Variants in CAP2 observed in about 807,000 individuals in gnomAD.
CAP2 encodes the protein adenylyl cyclase-associated protein 2.
Under a neutral mutation model 57.7 loss-of-function variants are expected in CAP2, and 24 were observed. That is an observed-to-expected ratio of 0.42 (90% CI 0.30 to 0.58). CAP2 has a LOEUF of 0.58. Among genes scored for constraint, CAP2 ranks in the 20% least tolerant of loss-of-function variants. The probability of loss-of-function intolerance (pLI) is 0.22; values close to 1 mark genes in which losing one functional copy is unlikely to be tolerated. For missense variants in CAP2, 501 were observed against 590.3 expected, an observed-to-expected ratio of 0.85 and a Z score of 1.57; for synonymous variants, 194 against 207.2, an observed-to-expected ratio of 0.94 and a Z score of 0.55.
chr6:17,431,696 T>C (rs1759741880), intron 3 of CAP2, among the ~76,000 whole-genome samples: 1 of 152,148 alleles, frequency 6.6e-6, no homozygotes, highest in Non-Finnish European at 1.5e-5. Context: ...AATATTTGGA[T>C]TTAGAGTGGC....
rs75639587 is a variant in CAP2 at position 17,484,324 on chromosome 6, C to A, written c.300+21251C>A. Among the ~76,000 whole-genome samples the A allele has an allele frequency of 2.8e-3, 431 of 152,250 alleles. 2 individuals are homozygous for A. The highest frequency in any genetic ancestry group is 9.9e-3 in the African/African-American group (413 of 41,548). On this transcript the variant is annotated intron_variant, in intron 4 of 12. Coordinates refer to ENST00000229922, the MANE Select transcript of CAP2 (RefSeq NM_006366.3). ...CAGTGCTTGGGTGGCTCCCCCTTCT[C>A]ACGCAAGGCCTTGTCACAAGCTCCT...
rs796872952 is a variant in CAP2, at chr6:17,463,152, T to C, written c.300+79T>C. ...GGAAAACAAGGAGGCAACAGAAGCA[T>C]TTATTATAGTCGACCTCCTAAAAAT... On this transcript the variant is annotated intron_variant, in intron 4 of 12. Transcript: ENST00000229922. The C allele has an allele frequency of 1.2e-5, 12 of 981,434 alleles. No individual in the cohort carries two copies. In the African/African-American group the frequency reaches 1.9e-4, roughly 16 times the overall value. 60.8% of individuals were successfully genotyped at this position (981,434 alleles called of 1,614,324 possible). A position where few individuals can be genotyped will look rare whatever the true frequency, so the allele number is the denominator to read the frequency against.
intron 3 of CAP2, among the ~76,000 whole-genome samples, chr6:17,436,698 G>A (rs1355334949): frequency 6.6e-6 from 1 of 152,022 alleles, no homozygotes; most frequent in East Asian, 1.9e-4. Flanking sequence ...CTCCTCTCAA[G>A]CCTTCCACTG....
intron 4 of CAP2, among the ~76,000 whole-genome samples, chr6:17,497,660 C>T (rs1325108484): frequency 6.6e-6 from 1 of 152,192 alleles, no homozygotes; most frequent in African/African-American, 2.4e-5. Flanking sequence ...TTTTCTGGAA[C>T]TCATGTTGTC....
At position 17,556,983 on chromosome 6, in the gene CAP2, CATAAGAGTTT is replaced by C. The variant is rs1387652208; in HGVS notation, c.*546_*555del. ...TATTTCAACCCACGCTTGTAAAAGACATAAGAGTTTATAAAGGACCAAATTCAGTTCCTTG... is the reference window on the plus strand; with the variant it reads ...TATTTCAACCCACGCTTGTAAAAGACATAAAGGACCAAATTCAGTTCCTTG... On this transcript the variant is annotated 3_prime_UTR_variant, in exon 13 of 13. Transcript: ENST00000229922. The C allele has an allele frequency of 1.0e-5, 1 of 98,274 alleles. No individual in the cohort carries two copies. The highest frequency in any genetic ancestry group is 3.2e-4 in the East Asian group (1 of 3,146). 6.1% of individuals were successfully genotyped at this position (98,274 alleles called of 1,614,324 possible).
Position 17,540,836 on chromosome 6 carries a change from G to A in CAP2, c.827-137G>A. 5.5e-6 allele frequency: 4 copies of A among 733,374 alleles called. No individual in the cohort carries two copies. The Admixed American group carries it at 9.4e-5, about 17-fold the overall frequency. 45.4% of individuals were successfully genotyped at this position (733,374 alleles called of 1,614,324 possible). ...GGACTCAGCTCCTGCATCCTGACTTGGAGAAAGCACTAGACTGTTTTGAAA... is the reference window on the plus strand; with the variant it reads ...GGACTCAGCTCCTGCATCCTGACTTAGAGAAAGCACTAGACTGTTTTGAAA... On this transcript the variant is annotated intron_variant, in intron 8 of 12. Transcript: ENST00000229922.
intron 7 of CAP2, among the ~76,000 whole-genome samples, chr6:17,514,789 C>T (rs561421012): frequency 1.3e-5 from 2 of 152,146 alleles, no homozygotes; most frequent in African/African-American, 2.4e-5. Context: ...ATGGCTAAGT[C>T]GTCCATGGTA....
Position 17,556,798 on chromosome 6 carries a change from A to C in CAP2, c.*356A>C. ...TACACTTATATTTCATTGCTAGTTA[A>C]AAAATAAAACCTTTGAGAATCTAAG... On this transcript the variant is annotated 3_prime_UTR_variant, in exon 13 of 13. Coordinates refer to ENST00000229922, the MANE Select transcript of CAP2 (RefSeq NM_006366.3). 1 of 191,722 alleles carries C rather than the reference A, an allele frequency of 5.2e-6. No individual in the cohort carries two copies. Among genetic ancestry groups the C allele is most frequent in the South Asian group, 1.6e-4 (1 of 6,384 alleles). 11.9% of individuals were successfully genotyped at this position (191,722 alleles called of 1,614,324 possible).
intron 1 of CAP2, among the ~76,000 whole-genome samples, chr6:17,408,284 A>C (rs1207438791): frequency 6.6e-6 from 1 of 151,998 alleles, no homozygotes; most frequent in Non-Finnish European, 1.5e-5. Context: ...GCGAGAGAAG[A>C]AGCAGGAGGA....
At chr6:17,475,433 A>T (rs1318170507) in intron 4 of CAP2, among the ~76,000 whole-genome samples, 12 of 152,216 alleles carry the variant, frequency 7.9e-5, no homozygotes, top group Admixed American at 7.9e-4. Context: ...GGAAGATTAG[A>T]GAAGAACAAG....
rs1385339473 is a variant in CAP2, at chr6:17,474,106, C to T, written c.300+11033C>T. ...TTTACCATTTTCCATTTTTTAGCCC[C>T]TCCCCTGATTAGCTGATGTCTGTTT... On this transcript the variant is annotated intron_variant, in intron 4 of 12. Coordinates refer to ENST00000229922, the MANE Select transcript of CAP2 (RefSeq NM_006366.3). Among the ~76,000 whole-genome samples, 3 of 151,392 alleles carry T rather than the reference C, an allele frequency of 2.0e-5. No homozygotes were observed. The East Asian group carries it at 5.8e-4, about 29-fold the overall frequency.
At chr6:17,534,164 G>T (rs1025125170) in intron 7 of CAP2, among the ~76,000 whole-genome samples, 1 of 152,160 alleles carries the variant, frequency 6.6e-6, no homozygotes, top group Non-Finnish European at 1.5e-5. Context: ...GCTTTTAGAT[G>T]TATGATTCTA....
At chr6:17,424,244 A>C (rs374992668) in intron 2 of CAP2, among the ~76,000 whole-genome samples, 23 of 152,132 alleles carry the variant, frequency 1.5e-4, no homozygotes, top group Non-Finnish European at 2.2e-4. Flanking sequence ...ACTAAAAATG[A>C]AAAAAATTAG....
Position 17,526,266 on chromosome 6 carries a change from C to T in CAP2, c.636+12312C>T, listed in dbSNP as rs541365194. Among the ~76,000 whole-genome samples, 957 of 152,088 alleles carry T rather than the reference C, an allele frequency of 6.3e-3. 13 individuals carry two copies. The highest frequency in any genetic ancestry group is 0.022 in the African/African-American group (897 of 41,488). ...AAGAGCGGCTGGGATTACAGGCACGCACCACCATACCTGACTAATTTTTGT... is the reference window on the plus strand; with the variant it reads ...AAGAGCGGCTGGGATTACAGGCACGTACCACCATACCTGACTAATTTTTGT... On this transcript the variant is annotated intron_variant, in intron 7 of 12. Coordinates refer to ENST00000229922, the MANE Select transcript of CAP2 (RefSeq NM_006366.3).
At chr6:17,528,938 G>A (rs1016791708) in intron 7 of CAP2, among the ~76,000 whole-genome samples, 6 of 152,114 alleles carry the variant, frequency 3.9e-5, no homozygotes, top group Admixed American at 1.3e-4. Flanking sequence ...AAGTGGAGCC[G>A]GGTGCAGTGG....
chr6:17,532,689 A>C (rs1159323444), intron 7 of CAP2, among the ~76,000 whole-genome samples: 2 of 146,100 alleles, frequency 1.4e-5, no homozygotes, highest in Non-Finnish European at 3.0e-5. Flanking sequence ...TAGAGGTTGC[A>C]GTGAGCTGAG....
At chr6:17,528,309 A>G (rs1285268269) in intron 7 of CAP2, among the ~76,000 whole-genome samples, 1 of 152,260 alleles carries the variant, frequency 6.6e-6, no homozygotes, top group African/African-American at 2.4e-5. Flanking sequence ...TAAGTCAAGG[A>G]GCATCTGCAT....
chr6:17,506,501 G>A (rs562959299), intron 4 of CAP2, among the ~76,000 whole-genome samples: 202 of 152,208 alleles, frequency 1.3e-3, no homozygotes, highest in Non-Finnish European at 2.0e-3. Context: ...TTATCTGGGC[G>A]TGGTGGCAGC....
At chr6:17,450,843 A>G (rs1760381976) in intron 3 of CAP2, among the ~76,000 whole-genome samples, 1 of 152,210 alleles carries the variant, frequency 6.6e-6, no homozygotes, top group Non-Finnish European at 1.5e-5. Context: ...ATTTTTAACA[A>G]TTACCTAATA....
Sources: allele counts gnomAD v4.1 joint callset (sites outside exome capture counted in the v4.1 genomes callset), GRCh38; gene constraint gnomAD v4.1.1; transcripts MANE v1.5; gene names NCBI Gene and HGNC (gene_info 2026-07-23, HGNC 2026-07-21).